ZNF274: variants seen among roughly 807,000 people sequenced by gnomAD.
The protein encoded by ZNF274 is neurotrophin receptor-interacting factor homolog.
A neutral mutation model predicts 42.5 loss-of-function variants in ZNF274; 23 were observed. The ratio of observed to expected loss-of-function variants is 0.54; its 90% CI spans 0.39 to 0.77. ZNF274 has a LOEUF of 0.77. Among genes scored for constraint, ZNF274 ranks in the 30% least tolerant of loss-of-function variants. The pLI, the probability that ZNF274 is intolerant of heterozygous loss-of-function variation, is 0.00. For synonymous variants in ZNF274, 292 were observed against 305.4 expected (o/e 0.96, Z 0.46); for missense variants, 679 against 806.5 (o/e 0.84, Z 1.91).
chr19:58,184,123 A>T (rs2075666884), intron 2 of ZNF274, 125 bp downstream of exon 2: 5 of 1,126,654 alleles, frequency 4.4e-6, no homozygotes, highest in Non-Finnish European at 6.4e-6. Context: ...GGGGGTAGAG[A>T]TTGGTTGGGC....
chr19:58,186,527 C>T, intron 3 of ZNF274, among the ~76,000 whole-genome samples: 1 of 110,730 alleles, frequency 9.0e-6, no homozygotes, highest in Admixed American at 1.1e-4. Context: ...CTGAGCAAGA[C>T]TCCGTCTCAA....
At position 58,212,841 on chromosome 19, in the gene ZNF274, C is replaced by T. The variant is rs775465713; in HGVS notation, c.1660C>T (p.Gln554Ter). 1 of 1,614,046 alleles carries T rather than the reference C, an allele frequency of 6.2e-7. No individual in the cohort carries two copies. The highest frequency in any genetic ancestry group is 8.5e-7 in the Non-Finnish European group (1 of 1,179,900). The change falls in exon 8 of 8, where the codon CAG (glutamine) becomes TAG (stop). Residue 554 changes from glutamine (Q) to a stop codon, truncating the protein, a stop_gained. Transcript: ENST00000617501. LOFTEE classifies it high-confidence loss of function. This position sits in a 1 kb window ranked among gnomAD's most constrained non-coding sequence, Gnocchi z 4.6. ...FVQSSSLTQH[Q>*]RVHSGERPFE... The stretch of plus-strand genomic sequence containing the variant: ...TCAGAGCTCTTCCCTCACACAGCAT[C>T]AGAGAGTTCATTCTGGAGAGAGACC...
At position 58,208,416 on chromosome 19, in the gene ZNF274, G is replaced by C. The variant is rs956166379; in HGVS notation, c.739+1214G>C. 2.6e-5 allele frequency: 4 copies of C among 152,252 alleles called. No individual in the cohort carries two copies. The highest frequency in any genetic ancestry group is 5.9e-5 in the Non-Finnish European group (4 of 68,072). The allele number at this position is 152,252 out of a possible 1,614,324, so 9.4% of individuals were successfully genotyped here. ...CCATGTCCTGACTCCTGGACCCTGT[G>C]AATAAGTTGCCTCACATGACAAAGG... On this transcript the variant is annotated intron_variant, in intron 5 of 7. Coordinates refer to ENST00000617501, the MANE Select transcript of ZNF274 (RefSeq NM_133502.3). This position sits in a 1 kb window ranked among gnomAD's most constrained non-coding sequence, Gnocchi z 4.5.
At chr19:58,195,602 ACT>A (rs1280531534) in intron 4 of ZNF274, among the ~76,000 whole-genome samples, 1 of 152,042 alleles carries the variant, frequency 6.6e-6, no homozygotes, top group Non-Finnish European at 1.5e-5. Flanking sequence ...CATTTTGACA[ACT>A]CTGTGTGCTT....
At chr19:58,199,364 TA>T (rs112362911) in intron 4 of ZNF274, among the ~76,000 whole-genome samples, 55 of 144,878 alleles carry the variant, frequency 3.8e-4, no homozygotes, top group Non-Finnish European at 3.7e-4. Context: ...AGACTCTGTC[TA>T]AAAAAAAAAA....
In ZNF274 at chr19:58,206,879, G is replaced by A. The variant is rs1340926834; in HGVS notation, c.416G>A (p.Ser139Asn). 6.2e-6 allele frequency: 10 copies of A among 1,613,778 alleles called. No homozygotes were observed. Among genetic ancestry groups the A allele is most frequent in the African/African-American group, 1.3e-5 (1 of 74,928 alleles). The change falls in exon 5 of 8, where the codon AGT (serine) becomes AAT (asparagine). Residue 139 changes from serine to asparagine, a missense_variant. Coordinates refer to ENST00000617501, the MANE Select transcript of ZNF274 (RefSeq NM_133502.3). ...CTATATGCTGAAGATGGAAGCCTGA[G>A]TGCAGATGCCCCCAGTGAGCAGGTC... ...QALYAEDGSL[S>N]ADAPSEQVQQ...
chr19:58,199,391 CAT>C (rs2075883047), intron 4 of ZNF274, among the ~76,000 whole-genome samples: 2 of 152,054 alleles, frequency 1.3e-5, no homozygotes, highest in South Asian at 4.2e-4. Context: ...AGCAAAATGA[CAT>C]TACAAAATAA....
chr19:58,212,134 T>G lies in ZNF274; in HGVS notation c.980-27T>G, dbSNP rs1250905201. 2.5e-6 allele frequency: 4 copies of G among 1,578,234 alleles called. No homozygotes were observed. The highest frequency in any genetic ancestry group is 3.4e-6 in the Non-Finnish European group (4 of 1,169,544). On this transcript the variant is annotated intron_variant, in intron 7 of 7. Transcript: ENST00000617501. This position sits in a 1 kb window ranked among gnomAD's most constrained non-coding sequence, Gnocchi z 4.6. The stretch of plus-strand genomic sequence containing the variant: ...CATCCCAGCACATCTCTCTATGGGA[T>G]CCACATCTTTTGTTTATTTTTTTCA...
Position 58,212,520 on chromosome 19 carries a change from A to G in ZNF274, c.1339A>G (p.Arg447Gly), listed in dbSNP as rs2076054716. 2 of 1,613,866 alleles carry G rather than the reference A, an allele frequency of 1.2e-6. No individual in the cohort carries two copies. Among genetic ancestry groups the G allele is most frequent in the Admixed American group, 1.7e-5 (1 of 59,994 alleles). ...NQVLLHKIPP[R>G]KRLRKRDSQV... ...AGTTTTGCTCCACAAAATTCCTCCT[A>G]GAAAACGATTGCGCAAACGTGACTC... Residue 447 changes from arginine (R) to glycine (G), a missense_variant, in exon 8 of 8, where the codon AGA (arginine) becomes GGA (glycine). By Grantham distance (125) the Arg-to-Gly change is moderately radical. Around this residue, in one of 2 missense-constraint regions of ZNF274, gnomAD observed 456 missense variants for 590.1 expected, o/e 0.77. Transcript: ENST00000617501. This position sits in a 1 kb window ranked among gnomAD's most constrained non-coding sequence, Gnocchi z 4.6.
rs577108590 is a variant in ZNF274, at chr19:58,208,874, T to G, written c.740-1087T>G. 4.6e-5 allele frequency: 7 copies of G among 152,304 alleles called. No individual in the cohort carries two copies. Among genetic ancestry groups the G allele is most frequent in the African/African-American group, 1.7e-4 (7 of 41,566 alleles). The allele number at this position is 152,304 out of a possible 1,614,324, so 9.4% of individuals were successfully genotyped here. ...GAGGTGAAAGTCAGTGAATTCACCC[T>G]GTGTTTAACCTCAGGGGTGAATAAA... On this transcript the variant is annotated intron_variant, in intron 5 of 7. Coordinates refer to ENST00000617501, the MANE Select transcript of ZNF274 (RefSeq NM_133502.3). The surrounding 1 kb of genome is among the most constrained non-coding windows in gnomAD (Gnocchi z 4.5).
In ZNF274 at chr19:58,207,303, G is replaced by C; in HGVS notation, c.739+101G>C. 2 of 1,466,278 alleles carry C rather than the reference G, an allele frequency of 1.4e-6. No homozygotes were observed. The highest frequency in any genetic ancestry group is 1.8e-6 in the Non-Finnish European group (2 of 1,105,630). 90.8% of individuals were successfully genotyped at this position (1,466,278 alleles called of 1,614,324 possible). A position where few individuals can be genotyped will look rare whatever the true frequency, so the allele number is the denominator to read the frequency against. On this transcript the variant is annotated intron_variant, in intron 5 of 7. Transcript: ENST00000617501. This position sits in a 1 kb window ranked among gnomAD's most constrained non-coding sequence, Gnocchi z 5.6. The stretch of plus-strand genomic sequence containing the variant: ...AGGCTTCCTAGGAAGGTCATGGGAA[G>C]GATTGTGTCCGCTCCATACAGACCA...
rs574037983 is a variant in ZNF274, at chr19:58,183,699, C to T, written c.-45-222C>T. ...GTGGGGTCTGGGCCAGGGAGGCGATCCCCTCCGATGCGCGGGACAGAGGAG... is the reference window on the plus strand; with the variant it reads ...GTGGGGTCTGGGCCAGGGAGGCGATTCCCTCCGATGCGCGGGACAGAGGAG... On this transcript the variant is annotated intron_variant, in intron 1 of 7. Coordinates refer to ENST00000617501, the MANE Select transcript of ZNF274 (RefSeq NM_133502.3). The T allele has an allele frequency of 2.7e-3, 1,154 of 425,730 alleles. 1 individual carries two copies. Among genetic ancestry groups the T allele is most frequent in the Non-Finnish European group, 3.7e-3 (864 of 234,184 alleles). The allele number at this position is 425,730 out of a possible 1,614,324, so 26.4% of individuals were successfully genotyped here.
intron 4 of ZNF274, among the ~76,000 whole-genome samples, chr19:58,192,017 A>C (rs1359945533): frequency 1.3e-5 from 2 of 152,230 alleles, no homozygotes; most frequent in Non-Finnish European, 2.9e-5. Context: ...GAAGGGGAGC[A>C]GTGGGGAATT....
intron 4 of ZNF274, 79 bp downstream of exon 4, chr19:58,187,121 A>C (rs1023932635): frequency 8.0e-6 from 10 of 1,250,366 alleles, no homozygotes; most frequent in Middle Eastern, 2.1e-4. Context: ...GAAAAGCAGT[A>C]GACATTGGGA....
intron 4 of ZNF274, among the ~76,000 whole-genome samples, chr19:58,194,371 CTTTTTTTTT>C (rs766266627): frequency 6.2e-5 from 4 of 64,176 alleles, no homozygotes; most frequent in Non-Finnish European, 1.1e-4. Flanking sequence ...TGTTTTTTAC[CTTTTTTTTT>C]TTTTTTTTTT....
chr19:58,211,372 C>G lies in ZNF274; in HGVS notation c.853-188C>G. 2 of 623,342 alleles carry G rather than the reference C, an allele frequency of 3.2e-6. No homozygotes were observed. Among genetic ancestry groups the G allele is most frequent in the Admixed American group, 6.1e-5 (2 of 32,988 alleles). The allele number at this position is 623,342 out of a possible 1,614,324, so 38.6% of individuals were successfully genotyped here. A position where few individuals can be genotyped will look rare whatever the true frequency, so the allele number is the denominator to read the frequency against. ...AGGGCTCTGCCTCCCAGCCTGAGACCCAGACCCTGGTTTGGACCCAGTAGA... is the reference window on the plus strand; with the variant it reads ...AGGGCTCTGCCTCCCAGCCTGAGACGCAGACCCTGGTTTGGACCCAGTAGA... On this transcript the variant is annotated intron_variant, in intron 6 of 7. Coordinates refer to ENST00000617501, the MANE Select transcript of ZNF274 (RefSeq NM_133502.3). This position sits in a 1 kb window ranked among gnomAD's most constrained non-coding sequence, Gnocchi z 4.8.
At position 58,213,365 on chromosome 19, in the gene ZNF274, C is replaced by A; in HGVS notation, c.*222C>A. The A allele has an allele frequency of 4.0e-6, 2 of 498,008 alleles. No individual in the cohort carries two copies. Among genetic ancestry groups the A allele is most frequent in the Non-Finnish European group, 6.8e-6 (2 of 295,186 alleles). The allele number at this position is 498,008 out of a possible 1,614,324, so 30.8% of individuals were successfully genotyped here. A position where few individuals can be genotyped will look rare whatever the true frequency, so the allele number is the denominator to read the frequency against. On this transcript the variant is annotated 3_prime_UTR_variant, in exon 8 of 8. Transcript: ENST00000617501. ...ATTTGGAAAAAAGATTTCCCATTCA[C>A]TTGATATTGTTTGTTCACTCATTTA...
intron 4 of ZNF274, 78 bp from the exon 5 acceptor site, chr19:58,206,641 AT>A: frequency 6.8e-7 from 1 of 1,461,260 alleles, no homozygotes; most frequent in South Asian, 1.4e-5. Flanking sequence ...TTTGACTTGC[AT>A]TTCCCTAGTG....
chr19:58,205,476 C>T (rs1246789151), intron 4 of ZNF274, among the ~76,000 whole-genome samples: 2 of 152,070 alleles, frequency 1.3e-5, no homozygotes, highest in Non-Finnish European at 1.5e-5. Flanking sequence ...TAGCTAGGAC[C>T]ACAGGTGTAT....
Sources: allele counts gnomAD v4.1 joint callset (sites outside exome capture counted in the v4.1 genomes callset), GRCh38; gene constraint gnomAD v4.1.1; regional missense constraint gnomAD v4.1.1; non-coding constraint Gnocchi (gnomAD v3.1); transcripts MANE v1.5; gene names NCBI Gene and HGNC (gene_info 2026-07-23, HGNC 2026-07-21).